The following PLXDC2 variants were observed in gnomAD, a reference collection of about 807,000 sequenced individuals.
The protein encoded by PLXDC2 is plexin domain-containing protein 2.
PLXDC2 carries 40 observed loss-of-function variants against 68.9 expected under a neutral mutation model. The observed-to-expected ratio is 0.58, with a 90% CI of 0.45 to 0.76. The LOEUF is 0.76. Ranked by LOEUF, PLXDC2 falls within the 30% of genes least tolerant of loss-of-function variation. PLXDC2 has a pLI of 0.00. For missense variants in PLXDC2, 644 were observed against 661.9 expected, an observed-to-expected ratio of 0.97 and a Z score of 0.30; for synonymous variants, 243 against 234.2, an observed-to-expected ratio of 1.04 and a Z score of -0.34.
chr10:20,230,719 A>C lies in PLXDC2; in HGVS notation c.1312+11617A>C, dbSNP rs573262773. Among the ~76,000 whole-genome samples the C allele has an allele frequency of 1.4e-3, 210 of 148,446 alleles. 1 individual carries two copies. The highest frequency in any genetic ancestry group is 4.8e-3 in the African/African-American group (196 of 40,758). ...AAAAAAAAAAAAAAAAAAAAACAGGAAAACAGTGTCATTTCATTAGGAACC... is the reference window on the plus strand; with the variant it reads ...AAAAAAAAAAAAAAAAAAAAACAGGCAAACAGTGTCATTTCATTAGGAACC... On this transcript the variant is annotated intron_variant, in intron 12 of 13. Transcript: ENST00000377252.
chr10:19,923,551 T>A (rs183001824), intron 1 of PLXDC2, among the ~76,000 whole-genome samples: 2 of 152,318 alleles, frequency 1.3e-5, no homozygotes, highest in East Asian at 1.9e-4. Context: ...AAAAAATTGC[T>A]TTATCCAATT....
intron 1 of PLXDC2, among the ~76,000 whole-genome samples, chr10:19,852,303 C>T (rs1837132590): frequency 6.6e-6 from 1 of 151,340 alleles, no homozygotes; most frequent in Admixed American, 6.6e-5. Context: ...AGGAGGATCC[C>T]TTGAGCCTAG....
intron 4 of PLXDC2, among the ~76,000 whole-genome samples, chr10:20,111,841 T>C (rs1423658915): frequency 6.6e-6 from 1 of 152,206 alleles, no homozygotes; most frequent in Non-Finnish European, 1.5e-5. Context: ...TGGCAATATT[T>C]TGATTAACAG....
intron 4 of PLXDC2, among the ~76,000 whole-genome samples, chr10:20,068,748 C>T (rs1317680421): frequency 2.6e-5 from 4 of 151,402 alleles, no homozygotes; most frequent in Non-Finnish European, 4.4e-5. Flanking sequence ...ATTGACAACT[C>T]ATTTGAGAGT....
chr10:19,983,658 T>C (rs998323650), intron 1 of PLXDC2, among the ~76,000 whole-genome samples: 4 of 152,114 alleles, frequency 2.6e-5, no homozygotes, highest in African/African-American at 9.7e-5. Context: ...TCTATCTGGG[T>C]TCTTCTTTTG....
intron 4 of PLXDC2, among the ~76,000 whole-genome samples, chr10:20,093,016 G>T (rs1833300161): frequency 6.6e-6 from 1 of 152,270 alleles, no homozygotes; most frequent in Non-Finnish European, 1.5e-5. Flanking sequence ...AACAGTGAAA[G>T]AATAAATGCA....
At chr10:19,878,409 T>C (rs2131348561) in intron 1 of PLXDC2, among the ~76,000 whole-genome samples, 1 of 152,320 alleles carries the variant, frequency 6.6e-6, no homozygotes, top group Admixed American at 6.5e-5. Flanking sequence ...ATTTAAAAAA[T>C]GTATTTTCTT....
chr10:20,058,860 G>A (rs1022597969), intron 3 of PLXDC2, among the ~76,000 whole-genome samples: 7 of 152,166 alleles, frequency 4.6e-5, no homozygotes, highest in African/African-American at 1.7e-4. Context: ...GCATACAAGT[G>A]CTACCAGGTA....
At chr10:19,993,304 T>C (rs1834781179) in intron 1 of PLXDC2, among the ~76,000 whole-genome samples, 1 of 138,660 alleles carries the variant, frequency 7.2e-6, no homozygotes. Flanking sequence ...TTCCATAGGA[T>C]AGTATATCAT....
chr10:19,879,287 A>T (rs2131349218), intron 1 of PLXDC2, among the ~76,000 whole-genome samples: 1 of 152,296 alleles, frequency 6.6e-6, no homozygotes, highest in East Asian at 1.9e-4. Flanking sequence ...AGATTTGATG[A>T]TTTATAAAAT....
chr10:20,023,757 C>T (rs4237352), intron 2 of PLXDC2, among the ~76,000 whole-genome samples: 105,152 of 148,892 alleles, frequency 0.71, 37,725 homozygotes, highest in East Asian at 0.9. Flanking sequence ...TAGGCAGCCA[C>T]TTTCAAAAAA....
chr10:20,207,855 C>T (rs1289972891), intron 9 of PLXDC2, among the ~76,000 whole-genome samples: 1 of 67,448 alleles, frequency 1.5e-5, no homozygotes, highest in East Asian at 7.6e-4. Flanking sequence ...TGGATCATGC[C>T]CTGAGAGAAT....
At chr10:20,161,461 T>A (rs1332624743) in intron 6 of PLXDC2, among the ~76,000 whole-genome samples, 1 of 151,956 alleles carries the variant, frequency 6.6e-6, no homozygotes, top group African/African-American at 2.4e-5. Flanking sequence ...CTCTTTTTTT[T>A]TTTTTGCTTC....
intron 2 of PLXDC2, among the ~76,000 whole-genome samples, chr10:20,030,766 C>T (rs1486424273): frequency 6.6e-6 from 1 of 152,090 alleles, no homozygotes; most frequent in Non-Finnish European, 1.5e-5. Context: ...CTCTGAAAGT[C>T]CCCAAAATAA....
At chr10:20,220,972 AG>A (rs1835203512) in intron 12 of PLXDC2, among the ~76,000 whole-genome samples, 1 of 150,988 alleles carries the variant, frequency 6.6e-6, no homozygotes, top group East Asian at 2.0e-4. Context: ...CCTCCTGAGC[AG>A]CTGGGATTAC....
chr10:20,211,811 A>T (rs1835073631), intron 10 of PLXDC2, 82 bp downstream of exon 10: 1 of 1,335,916 alleles, frequency 7.5e-7, no homozygotes, highest in Non-Finnish European at 1.0e-6. Flanking sequence ...TTTTATTCAA[A>T]ATTTATGCCC....
rs532849609 is a variant in PLXDC2 at position 19,880,651 on chromosome 10, A to G, written c.112+63460A>G. On this transcript the variant is annotated intron_variant, in intron 1 of 13. Coordinates refer to ENST00000377252, the MANE Select transcript of PLXDC2 (RefSeq NM_032812.9). ...CTGAAGTGATATTTTGGAATTTTCT[A>G]TGAAATAAAGTATTCAGTACTTTCC... 3.9e-5 allele frequency among the ~76,000 whole-genome samples: 6 copies of G among 152,344 alleles called. No individual in the cohort carries two copies. The East Asian group carries it at 1.2e-3, about 29-fold the overall frequency.
intron 4 of PLXDC2, among the ~76,000 whole-genome samples, chr10:20,111,132 G>A (rs555108979): frequency 1.3e-5 from 2 of 152,180 alleles, no homozygotes; most frequent in African/African-American, 2.4e-5. Context: ...GGGTTATGAT[G>A]ACAGATACGT....
At chr10:19,830,538 TC>T (rs1256972720) in intron 1 of PLXDC2, among the ~76,000 whole-genome samples, 1 of 152,180 alleles carries the variant, frequency 6.6e-6, no homozygotes, top group African/African-American at 2.4e-5. Context: ...AGTATCTCTT[TC>T]CCCCATCCTT....
Sources: gnomAD v4.1 joint callset for allele counts (sites outside exome capture counted in the v4.1 genomes callset) on GRCh38, gnomAD v4.1.1 for gene constraint, MANE v1.5 for transcripts, NCBI Gene and HGNC (gene_info 2026-07-23, HGNC 2026-07-21) for gene names.